CMTM4: variants seen among roughly 807,000 people sequenced by gnomAD.
The protein encoded by CMTM4 is CKLF like MARVEL transmembrane domain containing 4, also known as CKLF-like MARVEL transmembrane domain-containing protein 4.
Under a neutral mutation model 19.0 loss-of-function variants are expected in CMTM4, and 8 were observed. That is an observed-to-expected ratio of 0.42 (90% confidence interval 0.25 to 0.76). CMTM4 has a LOEUF of 0.76. CMTM4 is among the 30% of genes least tolerant of loss of function. The probability of loss-of-function intolerance (pLI) is 0.27; values close to 1 mark genes in which losing one functional copy is unlikely to be tolerated. For synonymous variants in CMTM4, 106 were observed against 121.1 expected (o/e 0.88, Z 0.82); for missense variants, 228 against 290.2 (o/e 0.79, Z 1.56).
At chr16:66,688,481 C>T (rs535301084) in intron 1 of CMTM4, among the ~76,000 whole-genome samples, 9 of 151,784 alleles carry the variant, frequency 5.9e-5, no homozygotes, top group African/African-American at 1.9e-4. Context: ...GTCTCATGGC[C>T]GATAAGAGAT....
chr16:66,614,136 T>G (rs2015481816), downstream of CMTM4, among the ~76,000 whole-genome samples: 1 of 152,236 alleles, frequency 6.6e-6, no homozygotes, highest in Admixed American at 6.5e-5. The surrounding 1 kb of genome is among the most constrained non-coding windows in gnomAD (Gnocchi z 4.9). Context: ...ACTGCCAATC[T>G]GACAGGAGGC....
At chr16:66,686,253 CAAA>C (rs74924092) in intron 1 of CMTM4, among the ~76,000 whole-genome samples, 2 of 95,462 alleles carry the variant, frequency 2.1e-5, no homozygotes. Flanking sequence ...ATTCCGTCTC[CAAA>C]AAAAAAAAAA....
chr16:66,647,423 T>A (rs1025157440), intron 1 of CMTM4, among the ~76,000 whole-genome samples: 1 of 151,810 alleles, frequency 6.6e-6, no homozygotes, highest in Non-Finnish European at 1.5e-5. Flanking sequence ...CCAGATTTAA[T>A]CTTGTCAGTC....
At chr16:66,678,783 AT>A (rs2016853750) in intron 1 of CMTM4, among the ~76,000 whole-genome samples, 4 of 152,136 alleles carry the variant, frequency 2.6e-5, no homozygotes, top group Admixed American at 2.6e-4. Context: ...AATACTTTAC[AT>A]TTGTATGAGT....
At position 66,617,213 on chromosome 16, in the gene CMTM4, C is replaced by T; in HGVS notation, c.*4845G>A. On this transcript the variant is annotated 3_prime_UTR_variant, in exon 4 of 4. Coordinates refer to ENST00000394106, the MANE Select transcript of CMTM4 (RefSeq NM_181521.3). ...TAAAGCCTCAGCATAAAAAAACAAACATAGACAACAAACTTACCCTATGAA... is the reference window on the plus strand; with the variant it reads ...TAAAGCCTCAGCATAAAAAAACAAATATAGACAACAAACTTACCCTATGAA... The T allele has an allele frequency of 1.3e-6, 2 of 1,521,114 alleles. No individual in the cohort carries two copies. The highest frequency in any genetic ancestry group is 2.4e-5 in the South Asian group (2 of 83,882). 94.2% of individuals were successfully genotyped at this position (1,521,114 alleles called of 1,614,324 possible). A position where few individuals can be genotyped will look rare whatever the true frequency, so the allele number is the denominator to read the frequency against.
chr16:66,666,985 C>T (rs757576980), intron 1 of CMTM4, among the ~76,000 whole-genome samples: 1 of 152,152 alleles, frequency 6.6e-6, no homozygotes, highest in Non-Finnish European at 1.5e-5. Flanking sequence ...TACCTGGGTG[C>T]AATATACCCA....
the CMTM4 span, chr16:66,608,589 T>G: frequency 1.1e-6 from 1 of 912,330 alleles, no homozygotes; most frequent in South Asian, 1.7e-5. This position sits in a 1 kb window ranked among gnomAD's most constrained non-coding sequence, Gnocchi z 5.1. Context: ...TGGTTAGAAC[T>G]GGATGGAGAG....
intron 1 of CMTM4, among the ~76,000 whole-genome samples, chr16:66,638,899 G>A (rs1424745627): frequency 6.8e-6 from 1 of 147,472 alleles, no homozygotes; most frequent in Non-Finnish European, 1.5e-5. Context: ...AAACAGAGTA[G>A]ATTTTAAATG....
intron 1 of CMTM4, among the ~76,000 whole-genome samples, chr16:66,652,480 G>A (rs1351868684): frequency 1.3e-5 from 2 of 152,228 alleles, no homozygotes; most frequent in South Asian, 2.1e-4. Context: ...CGGGTTCTCT[G>A]TGTAAACAAT....
chr16:66,646,861 C>G (rs2016211693), intron 1 of CMTM4, among the ~76,000 whole-genome samples: 1 of 152,054 alleles, frequency 6.6e-6, no homozygotes, highest in Non-Finnish European at 1.5e-5. Flanking sequence ...TGTGCACCAC[C>G]ACACCCGGCT....
rs554608221 is a variant in CMTM4 at position 66,621,916 on chromosome 16, G to A, written c.*142C>T. On this transcript the variant is annotated 3_prime_UTR_variant, in exon 4 of 4. Transcript: ENST00000394106. ...CGCGGACCCGCCCACTGGGCCACTCGGGAAACCCTTTCCCAAAATGAACTT... is the reference window on the plus strand; with the variant it reads ...CGCGGACCCGCCCACTGGGCCACTCAGGAAACCCTTTCCCAAAATGAACTT... 49 of 1,441,234 alleles carry A rather than the reference G, an allele frequency of 3.4e-5. No individual in the cohort carries two copies. In the East Asian group the frequency reaches 5.3e-4, roughly 16 times the overall value. 89.3% of individuals were successfully genotyped at this position (1,441,234 alleles called of 1,614,324 possible).
At chr16:66,640,115 G>T (rs2016071782) in intron 1 of CMTM4, among the ~76,000 whole-genome samples, 1 of 152,050 alleles carries the variant, frequency 6.6e-6, no homozygotes, top group Non-Finnish European at 1.5e-5. Context: ...CATGAGGTCA[G>T]GAGTTCGAGA....
intron 2 of CMTM4, among the ~76,000 whole-genome samples, chr16:66,636,094 C>T (rs1368875904): frequency 6.6e-6 from 1 of 152,196 alleles, no homozygotes; most frequent in Non-Finnish European, 1.5e-5. Flanking sequence ...AATGTCTACA[C>T]TGTATTTTAT....
At chr16:66,638,219 T>C (rs1457227261) in intron 1 of CMTM4, among the ~76,000 whole-genome samples, 1 of 152,080 alleles carries the variant, frequency 6.6e-6, no homozygotes, top group African/African-American at 2.4e-5. Flanking sequence ...GGGGGCAGGG[T>C]AGTCCATCCC....
chr16:66,679,470 A>G (rs1300826985), intron 1 of CMTM4, among the ~76,000 whole-genome samples: 2 of 151,520 alleles, frequency 1.3e-5, no homozygotes, highest in African/African-American at 4.8e-5. Context: ...GAGGCTGGAG[A>G]CCCCCCCAGG....
At chr16:66,669,330 A>C (rs2016659550) in intron 1 of CMTM4, among the ~76,000 whole-genome samples, 1 of 152,178 alleles carries the variant, frequency 6.6e-6, no homozygotes, top group Non-Finnish European at 1.5e-5. Context: ...ACTACAAAGA[A>C]AGGGAACGAG....
chr16:66,619,499 A>G lies in CMTM4; in HGVS notation c.*2559T>C, dbSNP rs1172528254. 4 of 985,454 alleles carry G rather than the reference A, an allele frequency of 4.1e-6. No individual in the cohort carries two copies. In the South Asian group the frequency reaches 1.9e-4, roughly 46 times the overall value. The allele number at this position is 985,454 out of a possible 1,614,324, so 61.0% of individuals were successfully genotyped here. A position where few individuals can be genotyped will look rare whatever the true frequency, so the allele number is the denominator to read the frequency against. On this transcript the variant is annotated 3_prime_UTR_variant, in exon 4 of 4. Transcript: ENST00000394106. ...CCAAACCAAACTGATATTGGTCCCT[A>G]TTGAAACTATTAAACGCAAAAACGC...
chr16:66,695,265 T>G (rs1456477134), intron 1 of CMTM4, among the ~76,000 whole-genome samples: 1 of 152,184 alleles, frequency 6.6e-6, no homozygotes, highest in Non-Finnish European at 1.5e-5. Flanking sequence ...GAAGATCGCT[T>G]GAGCCTGGGA....
intron 1 of CMTM4, among the ~76,000 whole-genome samples, chr16:66,693,884 T>A (rs2144933575): frequency 6.6e-6 from 1 of 152,112 alleles, no homozygotes; most frequent in East Asian, 1.9e-4. Flanking sequence ...TAGCTGGGCA[T>A]GGTGGTGTGC....
Sources: gnomAD v4.1 joint callset for allele counts (sites outside exome capture counted in the v4.1 genomes callset) on GRCh38, gnomAD v4.1.1 for gene constraint, Gnocchi (gnomAD v3.1) non-coding constraint, MANE v1.5 for transcripts, NCBI Gene and HGNC (gene_info 2026-07-23, HGNC 2026-07-21) for gene names.